AGBL4: variants seen among roughly 807,000 people sequenced by gnomAD.
The protein encoded by AGBL4 is AGBL carboxypeptidase 4, also known as cytosolic carboxypeptidase 6.
A neutral mutation model predicts 66.4 loss-of-function variants in AGBL4; 58 were observed. The observed-to-expected ratio is 0.87, with a 90% CI of 0.71 to 1.09. The LOEUF (loss-of-function observed/expected upper bound fraction) is 1.09. Ranked by LOEUF, AGBL4 falls within the 50% of genes least tolerant of loss-of-function variation. The pLI is 0.00. For missense variants in AGBL4, 579 were observed against 631.0 expected (o/e 0.92, Z 0.88); for synonymous variants, 234 against 222.9 (o/e 1.05, Z -0.44).
intron 4 of AGBL4, among the ~76,000 whole-genome samples, chr1:49,160,246 G>T (rs764370481): frequency 3.9e-5 from 6 of 152,050 alleles, no homozygotes; most frequent in Admixed American, 3.9e-4. Flanking sequence ...GGATGGGGTC[G>T]ATTGGACGTC....
intron 4 of AGBL4, among the ~76,000 whole-genome samples, chr1:49,218,570 G>T (rs1314621083): frequency 6.6e-6 from 1 of 152,066 alleles, no homozygotes; most frequent in African/African-American, 2.4e-5. Flanking sequence ...AGTCATTTTT[G>T]CTAGTTAAGT....
At chr1:49,212,118 G>C (rs1300934270) in intron 4 of AGBL4, among the ~76,000 whole-genome samples, 1 of 152,098 alleles carries the variant, frequency 6.6e-6, no homozygotes, top group East Asian at 1.9e-4. Context: ...AAACAAATCT[G>C]TCTGTCTCCA....
rs547681818 is a variant in AGBL4 at position 48,588,798 on chromosome 1, CAGAGAAGAGAAGAGAAGAGA to C, written c.1105-1652_1105-1633del. On this transcript the variant is annotated intron_variant, in intron 10 of 13. Transcript: ENST00000371839. Reference sequence around the variant, plus strand: ...TGTTTTAGAGTTGGGCATTGAGGATCAGAGAAGAGAAGAGAAGAGAAGAGAAGAGAAGAGAAGAGAAGAGA... The same window carrying C: ...TGTTTTAGAGTTGGGCATTGAGGATCAGAGAAGAGAAGAGAAGAGAAGAGA... Among the ~76,000 whole-genome samples the C allele has an allele frequency of 5.7e-3, 647 of 113,210 alleles. 6 individuals carry two copies. Among genetic ancestry groups the C allele is most frequent in the Admixed American group, 8.3e-3 (87 of 10,536 alleles). 74.3% of individuals were successfully genotyped at this position (113,210 alleles called of 152,430 possible).
chr1:49,100,833 C>T (rs576928408), intron 4 of AGBL4, among the ~76,000 whole-genome samples: 1 of 152,300 alleles, frequency 6.6e-6, no homozygotes, highest in South Asian at 2.1e-4. Flanking sequence ...CTGTGCTAGG[C>T]ATTTTACATA....
chr1:49,409,170 C>CTCTCTCTCTA, intron 3 of AGBL4, among the ~76,000 whole-genome samples: 1 of 151,982 alleles, frequency 6.6e-6, no homozygotes, highest in Admixed American at 6.6e-5. Flanking sequence ...CTCTCTCTCT[C>CTCTCTCTCTA]TCATTTATCC....
intron 1 of AGBL4, chr1:49,865,895 C>T: frequency 2.7e-6 from 1 of 371,606 alleles, no homozygotes; most frequent in South Asian, 2.1e-5. Context: ...TCAGAATAAC[C>T]AGTTTAGAGA....
intron 4 of AGBL4, among the ~76,000 whole-genome samples, chr1:49,189,683 C>T (rs1647079028): frequency 6.6e-6 from 1 of 152,126 alleles, no homozygotes; most frequent in Non-Finnish European, 1.5e-5. Context: ...TGTAGTGAGG[C>T]TCAAACCACT....
At chr1:49,485,739 T>TTC (rs1647053320) in intron 3 of AGBL4, among the ~76,000 whole-genome samples, 1 of 151,752 alleles carries the variant, frequency 6.6e-6, no homozygotes, top group South Asian at 2.1e-4. Context: ...ACTTTGCATG[T>TTC]TCTCACCTAT....
At chr1:48,658,869 GTGTA>G (rs970372419) in intron 7 of AGBL4, among the ~76,000 whole-genome samples, 5 of 140,452 alleles carry the variant, frequency 3.6e-5, no homozygotes, top group African/African-American at 7.8e-5. Context: ...GTGTGTGTGT[GTGTA>G]TCCACATCCT....
At chr1:48,814,222 T>A (rs889783486) in intron 6 of AGBL4, among the ~76,000 whole-genome samples, 1 of 152,116 alleles carries the variant, frequency 6.6e-6, no homozygotes, top group African/African-American at 2.4e-5. Flanking sequence ...CAGCCAAGAG[T>A]TTAAACCTCA....
chr1:48,782,700 C>A (rs1325275703), intron 6 of AGBL4, among the ~76,000 whole-genome samples: 1 of 152,294 alleles, frequency 6.6e-6, no homozygotes, highest in African/African-American at 2.4e-5. Context: ...ACAGGTATAG[C>A]CTCCTTAATA....
intron 3 of AGBL4, among the ~76,000 whole-genome samples, chr1:49,655,508 G>C (rs1178449571): frequency 6.6e-6 from 1 of 152,096 alleles, no homozygotes; most frequent in African/African-American, 2.4e-5. Context: ...AAACCAATGA[G>C]AACAAAGACA....
chr1:49,194,675 C>T (rs1647191524), intron 4 of AGBL4, among the ~76,000 whole-genome samples: 1 of 152,082 alleles, frequency 6.6e-6, no homozygotes, highest in Non-Finnish European at 1.5e-5. Context: ...TAGCTCCCCA[C>T]AGCCAAGTTA....
chr1:48,874,427 G>A (rs867420712), intron 5 of AGBL4, among the ~76,000 whole-genome samples: 1 of 152,038 alleles, frequency 6.6e-6, no homozygotes, highest in African/African-American at 2.4e-5. Context: ...CCTCTTCACT[G>A]GCTATAGGAC....
intron 1 of AGBL4, among the ~76,000 whole-genome samples, chr1:49,960,337 T>C (rs1657015127): frequency 1.3e-5 from 2 of 152,074 alleles, no homozygotes; most frequent in East Asian, 3.9e-4. Flanking sequence ...ACACCACATG[T>C]TCTCACTCAT....
intron 4 of AGBL4, among the ~76,000 whole-genome samples, chr1:49,193,330 A>C (rs1322844274): frequency 1.3e-5 from 2 of 151,642 alleles, no homozygotes; most frequent in Non-Finnish European, 2.9e-5. Context: ...TTTGATTTAG[A>C]CAATGCTATA....
At chr1:49,973,629 A>C (rs1191090649) in intron 1 of AGBL4, among the ~76,000 whole-genome samples, 1 of 148,402 alleles carries the variant, frequency 6.7e-6, no homozygotes, top group Non-Finnish European at 1.5e-5. Flanking sequence ...TTATACATAT[A>C]TATTATATAT....
At chr1:48,726,246 G>C (rs1189362996) in intron 6 of AGBL4, among the ~76,000 whole-genome samples, 2 of 152,084 alleles carry the variant, frequency 1.3e-5, no homozygotes, top group Non-Finnish European at 1.5e-5. Flanking sequence ...TGTAAAGCAG[G>C]TACCATATTT....
chr1:49,644,595 AAC>A (rs985978842), intron 3 of AGBL4, among the ~76,000 whole-genome samples: 23 of 151,768 alleles, frequency 1.5e-4, no homozygotes, highest in African/African-American at 5.5e-4. Context: ...TGACAATGAT[AAC>A]AGAGTTTTGA....
Sources: gnomAD v4.1 joint callset for allele counts (sites outside exome capture counted in the v4.1 genomes callset) on GRCh38, gnomAD v4.1.1 for gene constraint, MANE v1.5 for transcripts, NCBI Gene and HGNC (gene_info 2026-07-23, HGNC 2026-07-21) for gene names.